The following DDX4 variants were observed in gnomAD, a reference collection of about 807,000 sequenced individuals.
The protein encoded by DDX4 is probable ATP-dependent RNA helicase DDX4.
A neutral mutation model predicts 100.0 loss-of-function variants in DDX4; 25 were observed. The ratio of observed to expected loss-of-function variants is 0.25; its 90% CI spans 0.18 to 0.35. The LOEUF (loss-of-function observed/expected upper bound fraction) is 0.35, where lower values mean the gene tolerates loss of function less well. Ranked by LOEUF, DDX4 falls within the 10% of genes least tolerant of loss-of-function variation. DDX4 has a pLI of 1.00. For missense variants in DDX4, 635 were observed against 882.4 expected (o/e 0.72, Z 3.55); for synonymous variants, 259 against 275.7 (o/e 0.94, Z 0.60).
At chr5:55,766,983 C>G in intron 6 of DDX4, 1 of 1,532,684 alleles carries the variant, frequency 6.5e-7, no homozygotes, top group Non-Finnish European at 8.7e-7. Context: ...TTCAGGCAGC[C>G]TTCAGTATAG....
Position 55,802,935 on chromosome 5 carries a change from TC to T in DDX4, c.1615+4365del, listed in dbSNP as rs2112128833. 2.0e-5 allele frequency among the ~76,000 whole-genome samples: 3 copies of T among 151,736 alleles called. No individual in the cohort carries two copies. In the East Asian group the frequency reaches 5.8e-4, roughly 29 times the overall value. ...AAAATCTGATTAAGCTTATTTTCTTTCTTTTTTTTTACAGTAAACCCTTTTT... is the reference window on the plus strand; with the variant it reads ...AAAATCTGATTAAGCTTATTTTCTTTTTTTTTTTTACAGTAAACCCTTTTT... On this transcript the variant is annotated intron_variant, in intron 18 of 21. Coordinates refer to ENST00000505374, the MANE Select transcript of DDX4 (RefSeq NM_024415.3).
At chr5:55,807,648 G>GC (rs1017563237) in intron 18 of DDX4, among the ~76,000 whole-genome samples, 1 of 152,036 alleles carries the variant, frequency 6.6e-6, no homozygotes, top group Admixed American at 6.6e-5. Context: ...TTGAATATTG[G>GC]CCCCCACTCT....
chr5:55,812,622 T>G (rs957503095), intron 18 of DDX4, among the ~76,000 whole-genome samples: 10 of 152,158 alleles, frequency 6.6e-5, no homozygotes, highest in African/African-American at 2.4e-4. Flanking sequence ...TCTCAGAGGC[T>G]TAGACTTGTC....
At position 55,790,717 on chromosome 5, in the gene DDX4, A is replaced by G. The variant is rs1481940909; in HGVS notation, c.1302+12A>G. 3 of 1,609,970 alleles carry G rather than the reference A, an allele frequency of 1.9e-6. No individual in the cohort carries two copies. The highest frequency in any genetic ancestry group is 2.2e-5 in the East Asian group (1 of 44,804). On this transcript the variant is annotated intron_variant, in intron 16 of 21. Coordinates refer to ENST00000505374, the MANE Select transcript of DDX4 (RefSeq NM_024415.3). ...TAGGCAAAGAAAAGGTACGCCTTAT[A>G]GGAATAATGAAGTTGTGAGATTGAT... is the stretch of plus-strand genomic sequence containing the variant.
chr5:55,763,458 AAATT>A (rs1580537060), intron 5 of DDX4, among the ~76,000 whole-genome samples: 1 of 152,104 alleles, frequency 6.6e-6, no homozygotes, highest in Non-Finnish European at 1.5e-5. Flanking sequence ...AATGCTTTTA[AAATT>A]AATTCTAGAG....
intron 1 of DDX4, 21 bp from the exon 2 acceptor site, chr5:55,738,928 AT>A (rs113491933): frequency 0.11 from 100,613 of 905,340 alleles, 3 homozygotes; most frequent in East Asian, 0.14. Flanking sequence ...CCAAATGTGC[AT>A]TTTTTTTTTT....
At chr5:55,748,804 ACT>A (rs1256037723) in intron 3 of DDX4, among the ~76,000 whole-genome samples, 3 of 152,110 alleles carry the variant, frequency 2.0e-5, no homozygotes, top group African/African-American at 7.2e-5. Context: ...ATGTCTATTG[ACT>A]CTGATTTTTT....
intron 2 of DDX4, among the ~76,000 whole-genome samples, chr5:55,741,237 A>G (rs1156599587): frequency 6.6e-6 from 1 of 152,188 alleles, no homozygotes; most frequent in Non-Finnish European, 1.5e-5. Context: ...AAATCTTTCA[A>G]ATTTCCCTTT....
In DDX4 at chr5:55,744,861, A is replaced by G. The variant is rs57595967; in HGVS notation, c.70-1303A>G. On this transcript the variant is annotated intron_variant, in intron 2 of 21. Coordinates refer to ENST00000505374, the MANE Select transcript of DDX4 (RefSeq NM_024415.3). ...CAGTCCATAAGTGAATTTACTTTAC[A>G]GTGAATCCTTTTTTTTCTTTTTTTT... Among the ~76,000 whole-genome samples, 695 of 150,680 alleles carry G rather than the reference A, an allele frequency of 4.6e-3. 3 individuals are homozygous for G. Among genetic ancestry groups the G allele is most frequent in the African/African-American group, 0.016 (657 of 40,758 alleles).
chr5:55,765,019 T>G (rs527957797), intron 6 of DDX4, among the ~76,000 whole-genome samples: 3 of 152,168 alleles, frequency 2.0e-5, no homozygotes, highest in Non-Finnish European at 4.4e-5. Context: ...GGATTTTAAT[T>G]ATCAAATGAG....
chr5:55,781,164 T>C lies in DDX4; in HGVS notation c.577+18T>C, dbSNP rs1446234702. On this transcript the variant is annotated intron_variant, in intron 9 of 21. Coordinates refer to ENST00000505374, the MANE Select transcript of DDX4 (RefSeq NM_024415.3). Reference sequence around the variant, plus strand: ...TGGCACAGGTGAGAAATAGAACTTATTACTGAATATTAGTTACTGATGTAT... The same window carrying C: ...TGGCACAGGTGAGAAATAGAACTTACTACTGAATATTAGTTACTGATGTAT... The C allele has an allele frequency of 1.3e-6, 2 of 1,574,250 alleles. No homozygotes were observed. Among genetic ancestry groups the C allele is most frequent in the Non-Finnish European group, 1.7e-6 (2 of 1,152,776 alleles).
At chr5:55,757,296 A>G (rs925890958) in intron 3 of DDX4, among the ~76,000 whole-genome samples, 10 of 152,254 alleles carry the variant, frequency 6.6e-5, no homozygotes, top group Middle Eastern at 3.4e-3. Context: ...CCCAAAGTCC[A>G]TTGTATCATT....
intron 3 of DDX4, among the ~76,000 whole-genome samples, chr5:55,752,033 A>T (rs1377469796): frequency 1.3e-5 from 2 of 152,174 alleles, no homozygotes; most frequent in Non-Finnish European, 2.9e-5. Flanking sequence ...CAAAAAAGGA[A>T]TCTTTGACGC....
At chr5:55,809,853 A>G (rs1379598669) in intron 18 of DDX4, among the ~76,000 whole-genome samples, 2 of 152,206 alleles carry the variant, frequency 1.3e-5, no homozygotes, top group Non-Finnish European at 2.9e-5. Flanking sequence ...AAAAAGTGAA[A>G]TTATGACTGG....
intron 6 of DDX4, 49 bp from the exon 7 acceptor site, chr5:55,767,832 A>G (rs753321139): frequency 7.1e-7 from 1 of 1,411,534 alleles, no homozygotes; most frequent in Non-Finnish European, 1.0e-6. Flanking sequence ...TATATATTGC[A>G]TCATTTAAGT....
chr5:55,783,349 C>T (rs559673276), intron 10 of DDX4, among the ~76,000 whole-genome samples: 120 of 151,686 alleles, frequency 7.9e-4, no homozygotes, highest in African/African-American at 2.8e-3. Flanking sequence ...GATTTCAAGA[C>T]CTGTGGACAT....
intron 3 of DDX4, among the ~76,000 whole-genome samples, chr5:55,758,158 G>T (rs1760058863): frequency 6.6e-6 from 1 of 152,136 alleles, no homozygotes; most frequent in Admixed American, 6.5e-5. Context: ...AGTCATGAAA[G>T]GTGTTAAATT....
At chr5:55,740,440 A>C (rs1410440518) in intron 2 of DDX4, among the ~76,000 whole-genome samples, 1 of 151,768 alleles carries the variant, frequency 6.6e-6, no homozygotes, top group Non-Finnish European at 1.5e-5. Context: ...ATGCTGGATT[A>C]CAGTCATGAG....
chr5:55,787,777 A>T, intron 14 of DDX4, 69 bp from the exon 15 acceptor site: 1 of 1,525,848 alleles, frequency 6.6e-7, no homozygotes, highest in East Asian at 2.3e-5. Flanking sequence ...TAAGGACATG[A>T]GGATTAGCTT....
Sources: allele counts gnomAD v4.1 joint callset (sites outside exome capture counted in the v4.1 genomes callset), GRCh38; gene constraint gnomAD v4.1.1; transcripts MANE v1.5; gene names NCBI Gene and HGNC (gene_info 2026-07-23, HGNC 2026-07-21).